The following MOB1B variants were observed in gnomAD, a reference collection of about 807,000 sequenced individuals.
MOB1B encodes the protein MOB1 Mps One Binder homolog B.
Under a neutral mutation model 24.4 loss-of-function variants are expected in MOB1B, and 19 were observed. The observed-to-expected ratio is 0.78, with a 90% CI of 0.54 to 1.14. The LOEUF (loss-of-function observed/expected upper bound fraction) is 1.14. Among genes scored for constraint, MOB1B ranks in the 50% most tolerant of loss-of-function variants. The pLI is 0.00. For missense variants in MOB1B, 243 were observed against 259.6 expected, an observed-to-expected ratio of 0.94 and a Z score of 0.44; for synonymous variants, 76 against 82.1, an observed-to-expected ratio of 0.93 and a Z score of 0.40.
intron 1 of MOB1B, among the ~76,000 whole-genome samples, chr4:70,946,862 T>A (rs1159690027): frequency 1.3e-5 from 2 of 152,296 alleles, no homozygotes; most frequent in South Asian, 2.1e-4. Context: ...GGCAAGTGGT[T>A]ACATTCTTGT....
chr4:70,953,295 C>T (rs772832970), intron 1 of MOB1B, among the ~76,000 whole-genome samples: 75 of 152,162 alleles, frequency 4.9e-4, no homozygotes, highest in Middle Eastern at 3.4e-3. Flanking sequence ...CACCATTCCC[C>T]GGTTGGGTGG....
At chr4:70,904,771 A>T (rs961924363) in intron 1 of MOB1B, among the ~76,000 whole-genome samples, 5 of 151,636 alleles carry the variant, frequency 3.3e-5, no homozygotes, top group African/African-American at 1.2e-4. Flanking sequence ...AAAAAAAAAA[A>T]AAAAAGGTTA....
At chr4:70,961,156 G>A (rs1232497101) in intron 2 of MOB1B, among the ~76,000 whole-genome samples, 1 of 152,114 alleles carries the variant, frequency 6.6e-6, no homozygotes, top group Non-Finnish European at 1.5e-5. Context: ...CACAGCAAGG[G>A]ATTAACAACT....
intron 1 of MOB1B, among the ~76,000 whole-genome samples, chr4:70,943,626 A>G (rs1033008375): frequency 1.3e-5 from 2 of 152,204 alleles, no homozygotes; most frequent in Non-Finnish European, 2.9e-5. Context: ...TGAATAAGAC[A>G]TATGGGACCT....
At chr4:70,927,832 G>A (rs984321463) in intron 1 of MOB1B, among the ~76,000 whole-genome samples, 1 of 152,088 alleles carries the variant, frequency 6.6e-6, no homozygotes, top group Non-Finnish European at 1.5e-5. Flanking sequence ...GCTGGAAGTG[G>A]TCTGCAAAAC....
intron 1 of MOB1B, among the ~76,000 whole-genome samples, chr4:70,915,837 G>A (rs11737727): frequency 0.035 from 5,273 of 152,172 alleles, 120 homozygotes; most frequent in Non-Finnish European, 0.055. Context: ...TGGAAGCAGG[G>A]TAGCTCCTTG....
intron 4 of MOB1B, chr4:70,976,499 A>G (rs1739002379): frequency 1.3e-5 from 13 of 985,178 alleles, no homozygotes; most frequent in Non-Finnish European, 1.6e-5. Flanking sequence ...GGGCAGACTT[A>G]TCAAGTAGAA....
At chr4:70,940,055 G>A (rs1737268026) in intron 1 of MOB1B, among the ~76,000 whole-genome samples, 2 of 152,062 alleles carry the variant, frequency 1.3e-5, no homozygotes, top group Admixed American at 6.6e-5. Flanking sequence ...TTGCTGTCCT[G>A]CCGGTGTGCT....
intron 1 of MOB1B, among the ~76,000 whole-genome samples, chr4:70,928,944 A>G (rs1736765031): frequency 1.3e-5 from 2 of 152,196 alleles, no homozygotes; most frequent in South Asian, 2.1e-4. Flanking sequence ...CAGGATTGTC[A>G]TATACCAGGC....
intron 3 of MOB1B, among the ~76,000 whole-genome samples, chr4:70,971,772 C>G (rs1003269111): frequency 2.6e-5 from 4 of 152,128 alleles, no homozygotes; most frequent in African/African-American, 9.7e-5. Flanking sequence ...ATAGCACTGC[C>G]TTCTAAGAAA....
intron 1 of MOB1B, among the ~76,000 whole-genome samples, chr4:70,914,427 TCTG>T (rs1736118154): frequency 6.6e-6 from 1 of 152,194 alleles, no homozygotes; most frequent in South Asian, 2.1e-4. Context: ...TTACACTTTT[TCTG>T]CCCCAGTCCA....
At chr4:70,957,436 T>TC (rs1738112431) in intron 1 of MOB1B, among the ~76,000 whole-genome samples, 1 of 144,494 alleles carries the variant, frequency 6.9e-6, no homozygotes, top group African/African-American at 2.5e-5. Flanking sequence ...CTCTCTCTCT[T>TC]TTTTTTTTTT....
intron 2 of MOB1B, among the ~76,000 whole-genome samples, chr4:70,963,106 A>G (rs1404754890): frequency 2.0e-5 from 3 of 152,230 alleles, no homozygotes; most frequent in Admixed American, 6.5e-5. Context: ...TTTGCAGACC[A>G]CATATATGGT....
At chr4:70,938,777 GTT>G (rs11297851) in intron 1 of MOB1B, among the ~76,000 whole-genome samples, 8,838 of 127,890 alleles carry the variant, frequency 0.069, 573 homozygotes, top group African/African-American at 0.17. Flanking sequence ...TTAGGATTGG[GTT>G]TTTTTTTTTT....
chr4:70,934,290 T>A (rs1736997261), intron 1 of MOB1B, among the ~76,000 whole-genome samples: 1 of 151,702 alleles, frequency 6.6e-6, no homozygotes, highest in Non-Finnish European at 1.5e-5. Flanking sequence ...TTCACCATGT[T>A]GGCCAGGTTG....
At chr4:70,925,226 G>C (rs533293187) in intron 1 of MOB1B, among the ~76,000 whole-genome samples, 2 of 151,936 alleles carry the variant, frequency 1.3e-5, no homozygotes, top group South Asian at 4.2e-4. Flanking sequence ...TAGTAGAGAC[G>C]GGGTTTCACC....
At chr4:70,920,876 CT>C (rs1736410468) in intron 1 of MOB1B, among the ~76,000 whole-genome samples, 1 of 152,120 alleles carries the variant, frequency 6.6e-6, no homozygotes, top group African/African-American at 2.4e-5. Context: ...AAAAAGTTAG[CT>C]TAAGGATGAA....
intron 1 of MOB1B, among the ~76,000 whole-genome samples, chr4:70,933,611 G>A (rs1736969530): frequency 7.1e-6 from 1 of 141,564 alleles, no homozygotes; most frequent in African/African-American, 2.7e-5. Context: ...GAGTGCAATG[G>A]TGTGATCTCG....
chr4:70,935,235 C>T (rs1316739965), intron 1 of MOB1B, among the ~76,000 whole-genome samples: 2 of 152,138 alleles, frequency 1.3e-5, no homozygotes, highest in Non-Finnish European at 1.5e-5. Flanking sequence ...CTACAGCCTA[C>T]ATGGAGATTA....
Sources: allele counts gnomAD v4.1 joint callset (sites outside exome capture counted in the v4.1 genomes callset), GRCh38; gene constraint gnomAD v4.1.1; transcripts MANE v1.5; gene names NCBI Gene and HGNC (gene_info 2026-07-23, HGNC 2026-07-21).